Variants in MATCAP1 observed in about 807,000 individuals in gnomAD.
The protein encoded by MATCAP1 is microtubule-associated tyrosine carboxypeptidase 1.
chr16:67,183,435 C>T, the MATCAP1 span: 1 of 152,252 alleles, frequency 6.6e-6, no homozygotes, highest in Non-Finnish European at 1.5e-5. Flanking sequence ...GCTTCGGCGA[C>T]TTCTTTACTC....
chr16:67,178,139 C>T, the MATCAP1 span: 4 of 1,466,936 alleles, frequency 2.7e-6, no homozygotes, highest in South Asian at 1.2e-5. Flanking sequence ...GAGCCCCGCC[C>T]CTCGCCCGAA....
the MATCAP1 span, chr16:67,180,787 G>C: frequency 1.8e-4 from 80 of 433,864 alleles, 1 homozygote; most frequent in African/African-American, 1.5e-3. Flanking sequence ...TGCTACCAGG[G>C]GTCTGATTGG....
the MATCAP1 span, chr16:67,176,774 T>C: frequency 3.3e-6 from 5 of 1,495,978 alleles, no homozygotes; most frequent in Non-Finnish European, 4.5e-6. This position sits in a 1 kb window ranked among gnomAD's most constrained non-coding sequence, Gnocchi z 4.3. Context: ...ATCTGGAGCT[T>C]CTGTCCAGGG....
At chr16:67,176,947 C>T in the MATCAP1 span, 15 of 1,588,008 alleles carry the variant, frequency 9.4e-6, no homozygotes, top group South Asian at 3.4e-5. This position sits in a 1 kb window ranked among gnomAD's most constrained non-coding sequence, Gnocchi z 4.3. Context: ...CCCATGGGGC[C>T]GCAGGTGGTC....
the MATCAP1 span, chr16:67,178,629 G>T: frequency 2.3e-6 from 2 of 878,374 alleles, no homozygotes; most frequent in Non-Finnish European, 3.7e-6. Context: ...TCATGCTCCT[G>T]AACTCAGGCT....
At chr16:67,177,913 A>G in the MATCAP1 span, 1 of 1,062,460 alleles carries the variant, frequency 9.4e-7, no homozygotes, top group Non-Finnish European at 1.4e-6. Flanking sequence ...CACAGGCCTG[A>G]CACCCAGCCC....
chr16:67,183,862 G>A, the MATCAP1 span: 1 of 173,332 alleles, frequency 5.8e-6, no homozygotes, highest in Non-Finnish European at 1.2e-5. Context: ...TCCGCGTGCC[G>A]TGCCCCCACC....
the MATCAP1 span, among the ~76,000 whole-genome samples, chr16:67,181,257 C>CAT: frequency 1.3e-5 from 2 of 152,246 alleles, no homozygotes; most frequent in Non-Finnish European, 2.9e-5. Flanking sequence ...CACCCCTGCC[C>CAT]ATCCACCTGG....
chr16:67,178,240 C>G, the MATCAP1 span: 1 of 1,555,404 alleles, frequency 6.4e-7, no homozygotes, highest in South Asian at 1.2e-5. Flanking sequence ...GGCGCGCACG[C>G]AGTACTCCCA....
At chr16:67,181,086 G>A in the MATCAP1 span, among the ~76,000 whole-genome samples, 1 of 152,218 alleles carries the variant, frequency 6.6e-6, no homozygotes, top group South Asian at 2.1e-4. Flanking sequence ...CTCAGCCTGA[G>A]CTCCTGAAGG....
At chr16:67,178,143 G>A in the MATCAP1 span, 5 of 1,357,886 alleles carry the variant, frequency 3.7e-6, no homozygotes, top group Non-Finnish European at 3.0e-6. Context: ...CCCGCCCCTC[G>A]CCCGAAGCCC....
the MATCAP1 span, chr16:67,176,438 G>A: frequency 5.8e-6 from 1 of 172,184 alleles, no homozygotes; most frequent in Non-Finnish European, 1.2e-5. This position sits in a 1 kb window ranked among gnomAD's most constrained non-coding sequence, Gnocchi z 4.3. Flanking sequence ...GGTAAGGGAA[G>A]GGAGAGACTG....
chr16:67,179,621 C>T, the MATCAP1 span: 8 of 1,534,828 alleles, frequency 5.2e-6, no homozygotes, highest in Non-Finnish European at 7.2e-6. The surrounding 1 kb of genome is among the most constrained non-coding windows in gnomAD (Gnocchi z 5.2). Context: ...TGCAGGTGGA[C>T]CCAATGATGC....
At chr16:67,178,536 G>A in the MATCAP1 span, 1 of 1,513,536 alleles carries the variant, frequency 6.6e-7, no homozygotes, top group African/African-American at 1.4e-5. Context: ...GCGGCGCTGG[G>A]CGGGGCGTTC....
At chr16:67,177,308 C>T in the MATCAP1 span, among the ~76,000 whole-genome samples, 1 of 152,342 alleles carries the variant, frequency 6.6e-6, no homozygotes, top group African/African-American at 2.4e-5. Context: ...GTCCAAAAGT[C>T]AACTCCTGAG....
chr16:67,179,904 C>G, the MATCAP1 span: 1 of 1,614,240 alleles, frequency 6.2e-7, no homozygotes, highest in South Asian at 1.1e-5. The surrounding 1 kb of genome is among the most constrained non-coding windows in gnomAD (Gnocchi z 5.2). Context: ...GTGGCAGCCT[C>G]AAAGTGTTCA....
the MATCAP1 span, chr16:67,179,037 T>A: frequency 1.9e-6 from 2 of 1,071,288 alleles, no homozygotes; most frequent in African/African-American, 1.7e-5. This position sits in a 1 kb window ranked among gnomAD's most constrained non-coding sequence, Gnocchi z 5.2. Context: ...TGTCCTCAAG[T>A]CAAGTCCATT....
the MATCAP1 span, chr16:67,178,159 C>A: frequency 6.4e-7 from 1 of 1,554,684 alleles, no homozygotes; most frequent in East Asian, 2.4e-5. Context: ...AGCCCCGCCC[C>A]CACCCCGGCT....
the MATCAP1 span, chr16:67,178,909 A>AC: frequency 0.12 from 53,197 of 435,838 alleles, 6,331 homozygotes; most frequent in African/African-American, 0.43. Context: ...GGTAAAAATC[A>AC]CTCTTGCCCA....
Sources: allele counts gnomAD v4.1 joint callset (sites outside exome capture counted in the v4.1 genomes callset), GRCh38; gene constraint gnomAD v4.1.1; non-coding constraint Gnocchi (gnomAD v3.1); transcripts MANE v1.5; gene names NCBI Gene and HGNC (gene_info 2026-07-23, HGNC 2026-07-21).